The following POFUT2 variants were observed in gnomAD, a reference collection of about 807,000 sequenced individuals.
The protein encoded by POFUT2 is GDP-fucose protein O-fucosyltransferase 2.
Under a neutral mutation model 55.0 loss-of-function variants are expected in POFUT2, and 30 were observed. The ratio of observed to expected loss-of-function variants is 0.55; its 90% CI spans 0.41 to 0.74. The LOEUF (loss-of-function observed/expected upper bound fraction) is 0.74. Ranked by LOEUF, POFUT2 falls within the 30% of genes least tolerant of loss-of-function variation. The pLI, the probability that POFUT2 is intolerant of heterozygous loss-of-function variation, is 0.00. For synonymous variants in POFUT2, 267 were observed against 231.1 expected, an observed-to-expected ratio of 1.16 and a Z score of -1.41; for missense variants, 524 against 562.6, an observed-to-expected ratio of 0.93 and a Z score of 0.69.
chr21:45,265,805 C>T lies in POFUT2; in HGVS notation c.1137-170G>A, dbSNP rs2093148468. On this transcript the variant is annotated intron_variant, in intron 8 of 8. Coordinates refer to ENST00000349485, the MANE Select transcript of POFUT2 (RefSeq NM_133635.6). The surrounding 1 kb of genome is among the most constrained non-coding windows in gnomAD (Gnocchi z 4.6). ...AGCCGGCCGCCCCCTTGCTGGCACC[C>T]CTCGCTCAGGTGCCCTCGACATCGG... 3.5e-6 allele frequency: 5 copies of T among 1,422,102 alleles called. No individual in the cohort carries two copies. Among genetic ancestry groups the T allele is most frequent in the Non-Finnish European group, 4.6e-6 (5 of 1,091,382 alleles). The allele number at this position is 1,422,102 out of a possible 1,614,324, so 88.1% of individuals were successfully genotyped here.
chr21:45,286,110 A>G (rs78783344), intron 1 of POFUT2, among the ~76,000 whole-genome samples, 182 bp from the exon 2 acceptor site: 48 of 152,340 alleles, frequency 3.2e-4, no homozygotes, highest in Non-Finnish European at 6.3e-4. Flanking sequence ...TGTAAGCAGA[A>G]GCAGCAGACA....
chr21:45,278,285 GA>G, intron 4 of POFUT2, 116 bp from the exon 5 acceptor site: 1 of 894,746 alleles, frequency 1.1e-6, no homozygotes, highest in Non-Finnish European at 1.9e-6. Context: ...CCAAGTCTCC[GA>G]GGGACACTAA....
chr21:45,266,911 C>T lies in POFUT2; in HGVS notation c.1136+679G>A, dbSNP rs113996077. 809 of 1,024,362 alleles carry T rather than the reference C, an allele frequency of 7.9e-4. 4 individuals carry two copies. The African/African-American group carries it at 0.013, about 17-fold the overall frequency. 63.5% of individuals were successfully genotyped at this position (1,024,362 alleles called of 1,614,324 possible). On this transcript the variant is annotated intron_variant, in intron 8 of 8. Transcript: ENST00000349485. Reference sequence around the variant, plus strand: ...TTCACCCTAACCCCAGCCTTCATCTCCTATGCAGATGGGCAGGCAGGTCTT... The same window carrying T: ...TTCACCCTAACCCCAGCCTTCATCTTCTATGCAGATGGGCAGGCAGGTCTT...
Position 45,283,298 on chromosome 21 carries a change from GCGCCTGAGGCGGGGGGGGGGGGA to G in POFUT2, c.527+62_527+84del, listed in dbSNP as rs1482546734. 471 of 635,156 alleles carry G rather than the reference GCGCCTGAGGCGGGGGGGGGGGGA, an allele frequency of 7.4e-4. 2 individuals carry two copies. Among genetic ancestry groups the G allele is most frequent in the Non-Finnish European group, 1.1e-3 (447 of 408,414 alleles). The allele number at this position is 635,156 out of a possible 1,614,324, so 39.3% of individuals were successfully genotyped here. ...GGTGGTGGGGAGGAGTGGGCGGGGG[GCGCCTGAGGCGGGGGGGGGGGGA>G]CGCATGCGGCAGGGGGAGGTGGGGG... On this transcript the variant is annotated intron_variant, in intron 3 of 8. Coordinates refer to ENST00000349485, the MANE Select transcript of POFUT2 (RefSeq NM_133635.6).
chr21:45,278,560 T>G (rs778537077), intron 4 of POFUT2, among the ~76,000 whole-genome samples: 3 of 152,208 alleles, frequency 2.0e-5, no homozygotes, highest in Non-Finnish European at 4.4e-5. Flanking sequence ...GAGGTTCACA[T>G]AAGCTGCCTG....
intron 3 of POFUT2, chr21:45,283,009 C>T (rs550470128): frequency 2.9e-5 from 13 of 446,442 alleles, no homozygotes; most frequent in East Asian, 1.4e-4. Context: ...ATGTTCATCA[C>T]GGCCCATTCT....
intron 6 of POFUT2, among the ~76,000 whole-genome samples, chr21:45,274,292 A>C (rs771582236): frequency 6.6e-5 from 10 of 152,190 alleles, no homozygotes; most frequent in Non-Finnish European, 1.2e-4. Context: ...AAATTACAAA[A>C]CACTGCTGAA....
At chr21:45,266,925 C>T in intron 8 of POFUT2, 5 of 1,023,756 alleles carry the variant, frequency 4.9e-6, no homozygotes, top group Non-Finnish European at 5.9e-6. Context: ...TGCAGATGGG[C>T]AGGCAGGTCT....
chr21:45,276,847 C>T (rs1475989788), intron 6 of POFUT2, among the ~76,000 whole-genome samples, 170 bp downstream of exon 6: 1 of 152,122 alleles, frequency 6.6e-6, no homozygotes, highest in Non-Finnish European at 1.5e-5. Flanking sequence ...AGGGTCCCGG[C>T]GCCTCCCGAG....
chr21:45,275,884 T>TA (rs59278722), intron 6 of POFUT2, among the ~76,000 whole-genome samples: 48,792 of 147,030 alleles, frequency 0.33, 8,100 homozygotes, highest in East Asian at 0.44. Context: ...TGATTAAGGC[T>TA]AAAAAAAAAA....
chr21:45,265,596 C>G lies in POFUT2; in HGVS notation c.1176G>C (p.Arg392=), dbSNP rs772363641. The G allele has an allele frequency of 3.1e-6, 5 of 1,613,788 alleles. No individual in the cohort carries two copies. Among genetic ancestry groups the G allele is most frequent in the Non-Finnish European group, 4.2e-6 (5 of 1,179,932 alleles). The change falls in exon 9 of 9, where the codon CGG becomes CGC. Residue 392 remains arginine (R), a synonymous_variant. Coordinates refer to ENST00000349485, the MANE Select transcript of POFUT2 (RefSeq NM_133635.6). This position sits in a 1 kb window ranked among gnomAD's most constrained non-coding sequence, Gnocchi z 4.6. ...CCAGGATTTCTCTTTCCTCATGAAT[C>G]CGAAAAGAAAATGTTGAGACTGAGG... ...IGTSVSTFSF[R]IHEEREILGL...
intron 4 of POFUT2, among the ~76,000 whole-genome samples, chr21:45,280,619 G>A (rs2030508240): frequency 6.6e-6 from 1 of 152,230 alleles, no homozygotes; most frequent in African/African-American, 2.4e-5. Flanking sequence ...AACAGCAGCT[G>A]TCCTTACTCC....
At chr21:45,287,146 C>T (rs534185628) in intron 1 of POFUT2, among the ~76,000 whole-genome samples, 89 of 149,080 alleles carry the variant, frequency 6.0e-4, no homozygotes, top group African/African-American at 2.0e-3. Flanking sequence ...TGGCCCGACC[C>T]TGCCCCCAGC....
At chr21:45,269,592 T>C (rs1212860280) in intron 7 of POFUT2, among the ~76,000 whole-genome samples, 2 of 151,922 alleles carry the variant, frequency 1.3e-5, no homozygotes, top group South Asian at 2.1e-4. Context: ...GAAGGCAGCA[T>C]GCTCGTTAAG....
intron 4 of POFUT2, among the ~76,000 whole-genome samples, chr21:45,278,556 C>T: frequency 6.6e-6 from 1 of 152,186 alleles, no homozygotes; most frequent in East Asian, 1.9e-4. Flanking sequence ...AGGAGAGGTT[C>T]ACATAAGCTG....
chr21:45,277,490 C>T lies in POFUT2; in HGVS notation c.706-348G>A, dbSNP rs1376412081. The T allele has an allele frequency of 6.3e-6, 2 of 319,200 alleles. No individual in the cohort carries two copies. The highest frequency in any genetic ancestry group is 6.0e-6 in the Non-Finnish European group (1 of 167,118). The allele number at this position is 319,200 out of a possible 1,614,324, so 19.8% of individuals were successfully genotyped here. A position where few individuals can be genotyped will look rare whatever the true frequency, so the allele number is the denominator to read the frequency against. ...TCCCCAACTCGACTTCTAGCTTAGGCGGTTAGCACATCCTGCTTTGCCAAA... is the reference window on the plus strand; with the variant it reads ...TCCCCAACTCGACTTCTAGCTTAGGTGGTTAGCACATCCTGCTTTGCCAAA... On this transcript the variant is annotated intron_variant, in intron 5 of 8. Coordinates refer to ENST00000349485, the MANE Select transcript of POFUT2 (RefSeq NM_133635.6). This position sits in a 1 kb window ranked among gnomAD's most constrained non-coding sequence, Gnocchi z 6.9.
intron 4 of POFUT2, 38 bp from the exon 5 acceptor site, chr21:45,278,207 G>A (rs775017198): frequency 6.5e-7 from 1 of 1,538,326 alleles, no homozygotes; most frequent in Non-Finnish European, 9.0e-7. Flanking sequence ...AGTTATAAGA[G>A]TTAAGGATGA....
chr21:45,275,978 C>G (rs2093259625), intron 6 of POFUT2, among the ~76,000 whole-genome samples: 1 of 152,186 alleles, frequency 6.6e-6, no homozygotes, highest in African/African-American at 2.4e-5. Context: ...TACTTGAGGT[C>G]AGGAGTTTGA....
chr21:45,283,465 C>G lies in POFUT2; in HGVS notation c.445G>C (p.Glu149Gln), dbSNP rs138140406. 3.1e-6 allele frequency: 5 copies of G among 1,613,842 alleles called. No homozygotes were observed. Among genetic ancestry groups the G allele is most frequent in the Non-Finnish European group, 4.2e-6 (5 of 1,179,958 alleles). Residue 149 changes from glutamate (E) to glutamine (Q), a missense_variant, in exon 3 of 9, where the codon GAA becomes CAA. Physicochemically the swap from Glu to Gln is conservative, Grantham distance 29. Coordinates refer to ENST00000349485, the MANE Select transcript of POFUT2 (RefSeq NM_133635.6). ...VLQSYAEGWK[E>Q]GTWEEKVDER... ...TCCACCTTCTCTTCCCAGGTCCCTT[C>G]TTTCCACCCCTCTGCGTAACTTTGC... is the stretch of plus-strand genomic sequence containing the variant.
Sources: gnomAD v4.1 joint callset for allele counts (sites outside exome capture counted in the v4.1 genomes callset) on GRCh38, gnomAD v4.1.1 for gene constraint, Gnocchi (gnomAD v3.1) non-coding constraint, MANE v1.5 for transcripts, NCBI Gene and HGNC (gene_info 2026-07-23, HGNC 2026-07-21) for gene names.